Variants in PWWP2B observed in about 807,000 individuals in gnomAD.
PWWP2B encodes the protein PWWP domain-containing protein 2B.
A neutral mutation model predicts 15.5 loss-of-function variants in PWWP2B; 9 were observed. The ratio of observed to expected loss-of-function variants is 0.58; its 90% CI spans 0.35 to 1.02. The LOEUF (loss-of-function observed/expected upper bound fraction) is 1.02. Ranked by LOEUF, PWWP2B falls within the 50% of genes least tolerant of loss-of-function variation. The pLI is 0.02. For synonymous variants in PWWP2B, 474 were observed against 403.6 expected, an observed-to-expected ratio of 1.17 and a Z score of -2.09; for missense variants, 864 against 865.3, an observed-to-expected ratio of 1.00 and a Z score of 0.02.
At chr10:132,403,596 C>G (rs188977639) in intron 1 of PWWP2B, among the ~76,000 whole-genome samples, 1 of 152,206 alleles carries the variant, frequency 6.6e-6, no homozygotes, top group Non-Finnish European at 1.5e-5. Flanking sequence ...GCCCGTGCAG[C>G]GAGGTGGCCT....
At chr10:132,415,158 A>C (rs576433766) in intron 2 of PWWP2B, among the ~76,000 whole-genome samples, 1 of 152,174 alleles carries the variant, frequency 6.6e-6, no homozygotes, top group African/African-American at 2.4e-5. Flanking sequence ...TTTTCTATGG[A>C]AGATGAAGAG....
chr10:132,405,079 A>ACCCCCAGCCGCG lies in PWWP2B; in HGVS notation c.583_594dup (p.Pro195_Pro198dup). 6.5e-7 allele frequency: 1 copy of ACCCCCAGCCGCG among 1,527,328 alleles called. No individual in the cohort carries two copies. The highest frequency in any genetic ancestry group is 8.8e-7 in the Non-Finnish European group (1 of 1,139,030). 94.6% of individuals were successfully genotyped at this position (1,527,328 alleles called of 1,614,324 possible). A position where few individuals can be genotyped will look rare whatever the true frequency, so the allele number is the denominator to read the frequency against. On this transcript the variant is annotated inframe_insertion, in exon 2 of 3. Coordinates refer to ENST00000305233, the MANE Select transcript of PWWP2B (RefSeq NM_138499.4). ...TGAGCCCCCCGGAGGCCAGCCCCGGACCCCCAGCCGCGCCCAGGGCCCGCA... is the reference window on the plus strand; with the variant it reads ...TGAGCCCCCCGGAGGCCAGCCCCGGACCCCCAGCCGCGCCCCCAGCCGCGCCCAGGGCCCGCA...
At position 132,404,986 on chromosome 10, in the gene PWWP2B, G is replaced by C. The variant is rs1257044867; in HGVS notation, c.486G>C (p.Gly162=). Residue 162 remains glycine (G), a synonymous_variant, in exon 2 of 3, where the codon GGG becomes GGC. Coordinates refer to ENST00000305233, the MANE Select transcript of PWWP2B (RefSeq NM_138499.4). Reference sequence around the variant, plus strand: ...GTCTGTCCCGCAACCGCGACCCGGGGCGCCTCATCCTCAGCACCATCCGCC... The same window carrying C: ...GTCTGTCCCGCAACCGCGACCCGGGCCGCCTCATCCTCAGCACCATCCGCC... ...RRRLSRNRDP[G]RLILSTIRLR... The C allele has an allele frequency of 6.4e-7, 1 of 1,571,980 alleles. No individual in the cohort carries two copies. Among genetic ancestry groups the C allele is most frequent in the Non-Finnish European group, 8.6e-7 (1 of 1,166,678 alleles).
At chr10:132,398,264 C>T (rs1564870908) in intron 1 of PWWP2B, among the ~76,000 whole-genome samples, 2 of 152,246 alleles carry the variant, frequency 1.3e-5, no homozygotes, top group Non-Finnish European at 2.9e-5. Flanking sequence ...ACAATTATTT[C>T]GCAGACGTTA....
At chr10:132,402,797 C>T (rs764218385) in intron 1 of PWWP2B, among the ~76,000 whole-genome samples, 10 of 152,224 alleles carry the variant, frequency 6.6e-5, no homozygotes, top group African/African-American at 1.2e-4. Flanking sequence ...TGAAAGTCGC[C>T]GGCTTGGGTG....
chr10:132,413,445 G>A (rs530799022), intron 2 of PWWP2B, among the ~76,000 whole-genome samples: 8 of 152,204 alleles, frequency 5.3e-5, no homozygotes, highest in Non-Finnish European at 8.8e-5. Flanking sequence ...CCGTCTTTTT[G>A]TCCTGGGGTC....
intron 2 of PWWP2B, among the ~76,000 whole-genome samples, chr10:132,409,169 G>C (rs373966930): frequency 1.3e-5 from 2 of 152,204 alleles, no homozygotes; most frequent in South Asian, 2.1e-4. Flanking sequence ...ACTCCACCCC[G>C]GTGGTCACGG....
chr10:132,411,885 C>A (rs1033381056), intron 2 of PWWP2B, among the ~76,000 whole-genome samples: 1 of 152,250 alleles, frequency 6.6e-6, no homozygotes, highest in African/African-American at 2.4e-5. Flanking sequence ...TAAATAAAAA[C>A]GCTCTTCTGC....
Position 132,404,815 on chromosome 10 carries a change from C to T in PWWP2B, c.315C>T (p.Leu105=), listed in dbSNP as rs548376960. 2.3e-5 allele frequency: 35 copies of T among 1,551,716 alleles called. No homozygotes were observed. Among genetic ancestry groups the T allele is most frequent in the South Asian group, 9.1e-5 (8 of 87,844 alleles). The part of the protein sequence containing the change: ...ETTRPEPPPP[L]VPPLPAGSLP... ...CCCGCCCCGAGCCACCCCCGCCCCT[C>T]GTGCCGCCGCTGCCCGCCGGAAGCC... The change falls in exon 2 of 3, where the codon CTC becomes CTT. Residue 105 remains leucine (L), a synonymous_variant. Transcript: ENST00000305233.
chr10:132,400,367 C>T (rs1269816742), intron 1 of PWWP2B, among the ~76,000 whole-genome samples: 1 of 152,164 alleles, frequency 6.6e-6, no homozygotes, highest in Non-Finnish European at 1.5e-5. Context: ...GGGAGCCCCA[C>T]AGGGCTTAGA....
In PWWP2B at chr10:132,417,263, C is replaced by A. The variant is rs1270998055; in HGVS notation, c.*219C>A. 9.0e-5 allele frequency: 59 copies of A among 658,830 alleles called. No homozygotes were observed. The East Asian group carries it at 1.5e-3, about 17-fold the overall frequency. 40.8% of individuals were successfully genotyped at this position (658,830 alleles called of 1,614,324 possible). ...TCCTCCCGCTGAGTGTATTTCTTCCCACCACTCAGCGCATGGCTGCCCTGG... is the reference window on the plus strand; with the variant it reads ...TCCTCCCGCTGAGTGTATTTCTTCCAACCACTCAGCGCATGGCTGCCCTGG... On this transcript the variant is annotated 3_prime_UTR_variant, in exon 3 of 3. Coordinates refer to ENST00000305233, the MANE Select transcript of PWWP2B (RefSeq NM_138499.4).
Position 132,404,800 on chromosome 10 carries a change from G to GCCC in PWWP2B, c.302_303insCCC (p.Pro104dup). On this transcript the variant is annotated inframe_insertion, in exon 2 of 3. Coordinates refer to ENST00000305233, the MANE Select transcript of PWWP2B (RefSeq NM_138499.4). ...AGCCCCCCGAGACCACCCGCCCCGA[G>GCCC]CCACCCCCGCCCCTCGTGCCGCCGC... The GCCC allele has an allele frequency of 7.4e-7, 1 of 1,356,870 alleles. No individual in the cohort carries two copies. The highest frequency in any genetic ancestry group is 1.0e-6 in the Non-Finnish European group (1 of 995,796). 84.1% of individuals were successfully genotyped at this position (1,356,870 alleles called of 1,614,324 possible).
chr10:132,415,133 CGTTA>C (rs1029913823), intron 2 of PWWP2B, among the ~76,000 whole-genome samples: 5 of 152,132 alleles, frequency 3.3e-5, no homozygotes, highest in East Asian at 1.9e-4. Flanking sequence ...TCAATTTAGA[CGTTA>C]GTTAAGGGCT....
rs560006940 is a variant in PWWP2B at position 132,404,505 on chromosome 10, G to A, written c.126-121G>A. 40 of 804,382 alleles carry A rather than the reference G, an allele frequency of 5.0e-5. No homozygotes were observed. The African/African-American group carries it at 6.4e-4, about 13-fold the overall frequency. The allele number at this position is 804,382 out of a possible 1,614,324, so 49.8% of individuals were successfully genotyped here. A position where few individuals can be genotyped will look rare whatever the true frequency, so the allele number is the denominator to read the frequency against. On this transcript the variant is annotated intron_variant, in intron 1 of 2. Transcript: ENST00000305233. ...CCTGAAATACAGCCCTGGACTCAGG[G>A]CATGGCTCGCTGCCCAGACCTGCCG...
At chr10:132,402,133 C>A (rs1369112392) in intron 1 of PWWP2B, among the ~76,000 whole-genome samples, 1 of 152,248 alleles carries the variant, frequency 6.6e-6, no homozygotes, top group Non-Finnish European at 1.5e-5. Flanking sequence ...GGCTGCCCCC[C>A]ACCCATTTGA....
chr10:132,405,011 C>T lies in PWWP2B; in HGVS notation c.511C>T (p.Leu171=), dbSNP rs1423187887. The T allele has an allele frequency of 1.9e-6, 3 of 1,542,810 alleles. No individual in the cohort carries two copies. In the South Asian group the frequency reaches 3.5e-5, roughly 18 times the overall value. The change falls in exon 2 of 3, where the codon CTG becomes TTG. Residue 171 remains leucine (L), a synonymous_variant. Coordinates refer to ENST00000305233, the MANE Select transcript of PWWP2B (RefSeq NM_138499.4). ...GCGCCTCATCCTCAGCACCATCCGC[C>T]TGCGGCCGCGCCAGGTGCTCTGTGA... ...PGRLILSTIR[L]RPRQVLCEKC...
Position 132,405,804 on chromosome 10 carries a change from G to A in PWWP2B, c.1304G>A (p.Gly435Asp). The A allele has an allele frequency of 2.5e-6, 4 of 1,607,834 alleles. No individual in the cohort carries two copies. The highest frequency in any genetic ancestry group is 1.1e-5 in the South Asian group (1 of 91,060). ...AGCCTGGACGAGGCCAGATCGTCCGGCTCGGAAGGGACGCCGGCAGACACG... is the reference window on the plus strand; with the variant it reads ...AGCCTGGACGAGGCCAGATCGTCCGACTCGGAAGGGACGCCGGCAGACACG... ...SDSLDEARSS[G>D]SEGTPADTGD... is the part of the protein sequence containing the mutation. The change falls in exon 2 of 3, where the codon GGC (glycine) becomes GAC (aspartate). Residue 435 changes from glycine to aspartate, a missense_variant. Coordinates refer to ENST00000305233, the MANE Select transcript of PWWP2B (RefSeq NM_138499.4).
intron 2 of PWWP2B, among the ~76,000 whole-genome samples, chr10:132,409,485 C>G (rs1241501407): frequency 6.6e-6 from 1 of 152,186 alleles, no homozygotes; most frequent in Non-Finnish European, 1.5e-5. Context: ...GGCAATGCCA[C>G]CCACACCCCC....
chr10:132,404,003 TC>T (rs1184152338), intron 1 of PWWP2B, among the ~76,000 whole-genome samples: 3 of 26,958 alleles, frequency 1.1e-4, no homozygotes, highest in African/African-American at 3.9e-4. Context: ...AGGACGGCAT[TC>T]TCCAGGGCTC....
Sources: gnomAD v4.1 joint callset for allele counts (sites outside exome capture counted in the v4.1 genomes callset) on GRCh38, gnomAD v4.1.1 for gene constraint, MANE v1.5 for transcripts, NCBI Gene and HGNC (gene_info 2026-07-23, HGNC 2026-07-21) for gene names.